PSD3: variants seen among roughly 807,000 people sequenced by gnomAD.
The protein encoded by PSD3 is PH and SEC7 domain-containing protein 3.
A neutral mutation model predicts 105.5 loss-of-function variants in PSD3; 49 were observed. The ratio of observed to expected loss-of-function variants is 0.46; its 90% CI spans 0.37 to 0.59. The LOEUF (loss-of-function observed/expected upper bound fraction) is 0.59, where lower values mean the gene tolerates loss of function less well. Ranked by LOEUF, PSD3 falls within the 20% of genes least tolerant of loss-of-function variation. PSD3 has a pLI of 0.00. For synonymous variants in PSD3, 557 were observed against 457.8 expected (o/e 1.22, Z -2.77); for missense variants, 1,561 against 1,263.8 (o/e 1.24, Z -3.57).
chr8:18,647,791 C>G (rs748329441), intron 10 of PSD3, among the ~76,000 whole-genome samples: 1 of 152,016 alleles, frequency 6.6e-6, no homozygotes, highest in Admixed American at 6.5e-5. Flanking sequence ...AATGGCATTA[C>G]CCCCTTTAGT....
In PSD3 at chr8:18,953,546, C is replaced by T. The variant is rs545588096; in HGVS notation, c.22-17404G>A. Among the ~76,000 whole-genome samples the T allele has an allele frequency of 6.2e-4, 94 of 152,182 alleles. No individual in the cohort carries two copies. In the Middle Eastern group the frequency reaches 0.01, roughly 17 times the overall value. On this transcript the variant is annotated intron_variant, in intron 1 of 15. Coordinates refer to ENST00000327040, the MANE Select transcript of PSD3 (RefSeq NM_015310.4). ...GGTGGATTACCAGAGGTCAGGAGTT[C>T]AAGACCAGCCTGGCCAACATGTTAA...
At chr8:19,021,431 T>C (rs1054876456) in intron 1 of PSD3, among the ~76,000 whole-genome samples, 2 of 152,056 alleles carry the variant, frequency 1.3e-5, no homozygotes, top group African/African-American at 4.8e-5. Context: ...GTGTTACTAA[T>C]ACTCACTCCC....
intron 1 of PSD3, among the ~76,000 whole-genome samples, chr8:19,063,911 G>A (rs1183974966): frequency 1.3e-5 from 2 of 152,190 alleles, no homozygotes; most frequent in African/African-American, 4.8e-5. Flanking sequence ...GGAGGCCGAA[G>A]TGGGTGGATC....
chr8:18,614,434 T>A (rs1202921379), intron 11 of PSD3, among the ~76,000 whole-genome samples: 2 of 148,210 alleles, frequency 1.3e-5, no homozygotes, highest in East Asian at 4.0e-4. Context: ...TAGTGCTTAA[T>A]CTTTTAGGTA....
chr8:18,916,742 A>G (rs1586417493), intron 2 of PSD3, among the ~76,000 whole-genome samples: 1 of 152,106 alleles, frequency 6.6e-6, no homozygotes, highest in East Asian at 1.9e-4. Context: ...TTCCCACCAC[A>G]AAAAAATAAG....
chr8:18,674,810 C>T (rs1307269696), intron 9 of PSD3, among the ~76,000 whole-genome samples: 1 of 152,092 alleles, frequency 6.6e-6, no homozygotes, highest in African/African-American at 2.4e-5. Flanking sequence ...TGTTCAAGAC[C>T]AGACTGGGCA....
chr8:18,689,690 G>C (rs1160184972), intron 9 of PSD3, among the ~76,000 whole-genome samples: 1 of 152,220 alleles, frequency 6.6e-6, no homozygotes, highest in African/African-American at 2.4e-5. Context: ...AAGTGACAGA[G>C]GCTGATTTGG....
intron 11 of PSD3, among the ~76,000 whole-genome samples, chr8:18,616,020 T>TACG (rs148135103): frequency 1.5e-5 from 2 of 134,372 alleles, no homozygotes; most frequent in Admixed American, 7.2e-5. Context: ...CTCCAAGGAA[T>TACG]ATAACAGCCT....
chr8:18,986,987 T>G (rs1825532481), intron 1 of PSD3, among the ~76,000 whole-genome samples: 1 of 152,164 alleles, frequency 6.6e-6, no homozygotes, highest in Non-Finnish European at 1.5e-5. Flanking sequence ...CTGCTCAAGG[T>G]CATCGCCAAG....
chr8:19,033,127 C>T (rs934745488), intron 1 of PSD3, among the ~76,000 whole-genome samples: 1 of 151,968 alleles, frequency 6.6e-6, no homozygotes, highest in Non-Finnish European at 1.5e-5. Context: ...AACAAAACCA[C>T]ACACAGAGAG....
chr8:18,554,798 G>T (rs1800969666), intron 15 of PSD3, among the ~76,000 whole-genome samples: 1 of 152,106 alleles, frequency 6.6e-6, no homozygotes, highest in South Asian at 2.1e-4. Context: ...ATGAATCCCA[G>T]CTAGTATATC....
chr8:18,591,635 G>A (rs1803615333), intron 12 of PSD3, among the ~76,000 whole-genome samples: 1 of 152,150 alleles, frequency 6.6e-6, no homozygotes, highest in South Asian at 2.1e-4. Flanking sequence ...GTGGCTTGCT[G>A]TGGCTGGCAC....
At chr8:19,034,346 C>T (rs1274797892) in intron 1 of PSD3, among the ~76,000 whole-genome samples, 1 of 152,136 alleles carries the variant, frequency 6.6e-6, no homozygotes, top group East Asian at 1.9e-4. Context: ...CTTCCTTCTG[C>T]AAAATTCATG....
At chr8:18,968,497 T>C (rs1285268261) in intron 1 of PSD3, among the ~76,000 whole-genome samples, 2 of 152,228 alleles carry the variant, frequency 1.3e-5, no homozygotes, top group African/African-American at 2.4e-5. Context: ...CATCACACGA[T>C]GCACGCTTCT....
chr8:18,859,021 T>C (rs1026679598), intron 4 of PSD3, among the ~76,000 whole-genome samples: 6 of 152,170 alleles, frequency 3.9e-5, no homozygotes, highest in Non-Finnish European at 2.9e-5. Flanking sequence ...GAGGAATCAC[T>C]ATCTATAGTG....
chr8:18,678,886 ATT>A (rs1209188560), intron 9 of PSD3, among the ~76,000 whole-genome samples: 1 of 152,224 alleles, frequency 6.6e-6, no homozygotes, highest in Non-Finnish European at 1.5e-5. Context: ...TACAACCCTA[ATT>A]TATGCATCCC....
chr8:18,727,045 T>C (rs552543294), intron 9 of PSD3, among the ~76,000 whole-genome samples: 2 of 151,822 alleles, frequency 1.3e-5, no homozygotes, highest in African/African-American at 4.8e-5. Flanking sequence ...AATATAAAAA[T>C]CGTCCAGGCA....
At chr8:18,796,882 G>C (rs1208181669) in intron 8 of PSD3, among the ~76,000 whole-genome samples, 1 of 152,158 alleles carries the variant, frequency 6.6e-6, no homozygotes, top group Non-Finnish European at 1.5e-5. Flanking sequence ...AGGTAGTATA[G>C]CATTAAGGAG....
chr8:18,743,921 T>G (rs67190463), intron 9 of PSD3, among the ~76,000 whole-genome samples: 17,695 of 151,096 alleles, frequency 0.12, 1,179 homozygotes, highest in African/African-American at 0.17. Flanking sequence ...CATCGCTATA[T>G]TGCACTCCAG....
Sources: allele counts gnomAD v4.1 joint callset (sites outside exome capture counted in the v4.1 genomes callset), GRCh38; gene constraint gnomAD v4.1.1; transcripts MANE v1.5; gene names NCBI Gene and HGNC (gene_info 2026-07-23, HGNC 2026-07-21).